Variants in CDC42EP2 observed in about 807,000 individuals in gnomAD.
The protein encoded by CDC42EP2 is CDC42 effector protein 2.
CDC42EP2 carries 5 observed loss-of-function variants against 7.3 expected under a neutral mutation model. The ratio of observed to expected loss-of-function variants is 0.68; its 90% CI spans 0.36 to 1.44. The LOEUF (loss-of-function observed/expected upper bound fraction) is 1.44. Among genes scored for constraint, CDC42EP2 ranks in the 40% most tolerant of loss-of-function variants. The pLI is 0.04. For synonymous variants in CDC42EP2, 113 were observed against 123.6 expected (o/e 0.91, Z 0.57); for missense variants, 251 against 282.6 (o/e 0.89, Z 0.80).
chr11:65,321,310 C>G lies in CDC42EP2; in HGVS notation c.412C>G (p.Pro138Ala). 6.2e-7 allele frequency: 1 copy of G among 1,613,996 alleles called. No homozygotes were observed. Among genetic ancestry groups the G allele is most frequent in the Non-Finnish European group, 8.5e-7 (1 of 1,180,016 alleles). Reference protein sequence around the residue: ...PKPPRLHLETPQPSPQEGGSV... With the variant: ...PKPPRLHLETAQPSPQEGGSV... ...GCCCCCTCGCCTGCACCTGGAGACC[C>G]CTCAGCCTTCCCCACAGGAGGGAGG... The change falls in exon 2 of 2, where the codon CCT becomes GCT. Residue 138 changes from proline (P) to alanine (A), a missense_variant. Pro to Ala is a conservative substitution (Grantham distance 27, BLOSUM62 -1). Coordinates refer to ENST00000279249, the MANE Select transcript of CDC42EP2 (RefSeq NM_006779.4). The surrounding 1 kb of genome is among the most constrained non-coding windows in gnomAD (Gnocchi z 4.4).
rs1293078928 is a variant in CDC42EP2 at position 65,321,103 on chromosome 11, A to G, written c.205A>G (p.Met69Val). Residue 69 changes from methionine to valine, a missense_variant, in exon 2 of 2, where the codon ATG (methionine) becomes GTG (valine). Met to Val is a conservative substitution (Grantham distance 21, BLOSUM62 1). Transcript: ENST00000279249. This position sits in a 1 kb window ranked among gnomAD's most constrained non-coding sequence, Gnocchi z 4.4. ...QGKFHLLPGT[M>V]VEGPEEDGTF... ...CAAGTTCCACCTCCTGCCGGGGACC[A>G]TGGTGGAGGGGCCTGAAGAAGATGG... is the stretch of plus-strand genomic sequence containing the variant. The G allele has an allele frequency of 1.2e-6, 2 of 1,614,120 alleles. No homozygotes were observed. The highest frequency in any genetic ancestry group is 1.7e-6 in the Non-Finnish European group (2 of 1,180,008).
intron 1 of CDC42EP2, among the ~76,000 whole-genome samples, chr11:65,317,666 G>GGAGT (rs768399847): frequency 1.3e-5 from 2 of 152,130 alleles, no homozygotes; most frequent in Non-Finnish European, 2.9e-5. Context: ...TCAAGCAGAG[G>GGAGT]GAGTGCTTGC....
In CDC42EP2 at chr11:65,315,393, G is replaced by A. The variant is rs934753159; in HGVS notation, c.-356+439G>A. Reference sequence around the variant, plus strand: ...TAGGAGTGGGGAGGGGTCGGCGCAGGAACCCGAGCCGGAGCTAAGGAGCCG... The same window carrying A: ...TAGGAGTGGGGAGGGGTCGGCGCAGAAACCCGAGCCGGAGCTAAGGAGCCG... On this transcript the variant is annotated intron_variant, in intron 1 of 1. Coordinates refer to ENST00000279249, the MANE Select transcript of CDC42EP2 (RefSeq NM_006779.4). The surrounding 1 kb of genome is among the most constrained non-coding windows in gnomAD (Gnocchi z 4.1). Among the ~76,000 whole-genome samples the A allele has an allele frequency of 1.3e-5, 2 of 152,338 alleles. No homozygotes were observed. Among genetic ancestry groups the A allele is most frequent in the African/African-American group, 4.8e-5 (2 of 41,588 alleles).
intron 1 of CDC42EP2, chr11:65,317,195 G>A (rs1480918554): frequency 1.3e-5 from 2 of 152,222 alleles, no homozygotes; most frequent in Non-Finnish European, 2.9e-5. Flanking sequence ...TCCGCCACGG[G>A]AGAGTCATTC....
intron 1 of CDC42EP2, among the ~76,000 whole-genome samples, chr11:65,318,516 C>T (rs373301707): frequency 7.3e-5 from 11 of 151,664 alleles, no homozygotes; most frequent in East Asian, 1.9e-4. Flanking sequence ...CTCTGCCTCC[C>T]GGGTTCACGC....
Position 65,315,673 on chromosome 11 carries a change from G to A in CDC42EP2, c.-356+719G>A, listed in dbSNP as rs1949944297. Reference sequence around the variant, plus strand: ...GGGGACCGCCTGCCTGGAGCCCGGGGGAGGGGCGCTGGAGACCCCGGTGCG... The same window carrying A: ...GGGGACCGCCTGCCTGGAGCCCGGGAGAGGGGCGCTGGAGACCCCGGTGCG... On this transcript the variant is annotated intron_variant, in intron 1 of 1. Coordinates refer to ENST00000279249, the MANE Select transcript of CDC42EP2 (RefSeq NM_006779.4). This position sits in a 1 kb window ranked among gnomAD's most constrained non-coding sequence, Gnocchi z 4.1. Among the ~76,000 whole-genome samples, 1 of 152,244 alleles carries A rather than the reference G, an allele frequency of 6.6e-6. No homozygotes were observed. Among genetic ancestry groups the A allele is most frequent in the African/African-American group, 2.4e-5 (1 of 41,470 alleles).
Position 65,322,203 on chromosome 11 carries a change from G to A in CDC42EP2, c.*672G>A, listed in dbSNP as rs1348045452. On this transcript the variant is annotated 3_prime_UTR_variant, in exon 2 of 2. Coordinates refer to ENST00000279249, the MANE Select transcript of CDC42EP2 (RefSeq NM_006779.4). ...GCCCCAGAGGGCTTTGTGGAGGACA[G>A]GCCTTGCCCTCAAGAACGTCGTACC... 2 of 167,052 alleles carry A rather than the reference G, an allele frequency of 1.2e-5. No individual in the cohort carries two copies. Among genetic ancestry groups the A allele is most frequent in the African/African-American group, 4.8e-5 (2 of 41,466 alleles). The allele number at this position is 167,052 out of a possible 1,614,324, so 10.3% of individuals were successfully genotyped here.
At position 65,321,267 on chromosome 11, in the gene CDC42EP2, A is replaced by G. The variant is rs4149838; in HGVS notation, c.369A>G (p.Thr123=). The G allele has an allele frequency of 8.9e-5, 143 of 1,613,736 alleles. 1 individual carries two copies. The African/African-American group carries it at 1.6e-3, about 19-fold the overall frequency. ...GACCCCAGGCTCTCACCCTGCCCAC[A>G]GCCCAGGCTCCACCCAAGCCCCCTC... The part of the protein sequence containing the change: ...IGGPQALTLP[T]AQAPPKPPRL... The change falls in exon 2 of 2, where the codon ACA becomes ACG. Residue 123 remains threonine (T), a synonymous_variant. Coordinates refer to ENST00000279249, the MANE Select transcript of CDC42EP2 (RefSeq NM_006779.4). The surrounding 1 kb of genome is among the most constrained non-coding windows in gnomAD (Gnocchi z 4.4).
chr11:65,318,458 C>T (rs1425930271), intron 1 of CDC42EP2, among the ~76,000 whole-genome samples: 12 of 146,274 alleles, frequency 8.2e-5, no homozygotes, highest in African/African-American at 2.8e-4. Flanking sequence ...GAGACACTCT[C>T]TGTCCCCCAG....
Position 65,320,729 on chromosome 11 carries a change from G to T in CDC42EP2, c.-170G>T. On this transcript the variant is annotated 5_prime_UTR_variant, in exon 2 of 2. Coordinates refer to ENST00000279249, the MANE Select transcript of CDC42EP2 (RefSeq NM_006779.4). ...ATCTCTAATCTTTTTTAATTCCTTGGGCCAACTTTGTTCGTGCCCCCACAC... is the reference window on the plus strand; with the variant it reads ...ATCTCTAATCTTTTTTAATTCCTTGTGCCAACTTTGTTCGTGCCCCCACAC... 1 of 621,188 alleles carries T rather than the reference G, an allele frequency of 1.6e-6. No individual in the cohort carries two copies. 38.5% of individuals were successfully genotyped at this position (621,188 alleles called of 1,614,324 possible).
At chr11:65,319,830 A>G (rs1369127091) in intron 1 of CDC42EP2, among the ~76,000 whole-genome samples, 1 of 152,166 alleles carries the variant, frequency 6.6e-6, no homozygotes, top group Non-Finnish European at 1.5e-5. Flanking sequence ...AGTCAAGGCC[A>G]TTTGTGAGGC....
chr11:65,321,688 T>C lies in CDC42EP2; in HGVS notation c.*157T>C. ...GAGCCGTGTTTCCCCTCTCCCTCCC[T>C]CTCCACGTGGGCAGGGCAGGCCCCA... On this transcript the variant is annotated 3_prime_UTR_variant, in exon 2 of 2. Transcript: ENST00000279249. The surrounding 1 kb of genome is among the most constrained non-coding windows in gnomAD (Gnocchi z 4.4). The C allele has an allele frequency of 1.4e-6, 1 of 692,450 alleles. No homozygotes were observed. Among genetic ancestry groups the C allele is most frequent in the Non-Finnish European group, 2.5e-6 (1 of 407,084 alleles). The allele number at this position is 692,450 out of a possible 1,614,324, so 42.9% of individuals were successfully genotyped here. A position where few individuals can be genotyped will look rare whatever the true frequency, so the allele number is the denominator to read the frequency against.
Position 65,321,525 on chromosome 11 carries a change from C to T in CDC42EP2, c.627C>T (p.Pro209=). ...MDQDLDSMQI[P]T is the part of the protein sequence containing the mutation. ...AGGACCTGGACAGCATGCAGATCCC[C>T]ACATAGGACACGAGGCTGCCTAGGC... The change falls in exon 2 of 2, where the codon CCC becomes CCT. Residue 209 remains proline, a synonymous_variant. Transcript: ENST00000279249. This position sits in a 1 kb window ranked among gnomAD's most constrained non-coding sequence, Gnocchi z 4.4. 3 of 1,600,144 alleles carry T rather than the reference C, an allele frequency of 1.9e-6. No homozygotes were observed. The highest frequency in any genetic ancestry group is 2.6e-6 in the Non-Finnish European group (3 of 1,170,284).
In CDC42EP2 at chr11:65,321,603, C is replaced by T. The variant is rs1043313513; in HGVS notation, c.*72C>T. 8 of 1,443,370 alleles carry T rather than the reference C, an allele frequency of 5.5e-6. No individual in the cohort carries two copies. The African/African-American group carries it at 5.7e-5, about 10-fold the overall frequency. 89.4% of individuals were successfully genotyped at this position (1,443,370 alleles called of 1,614,324 possible). ...AGGTGGGGTGTGGACCCGGCCCTGG[C>T]GGCGGAGTCAGGGTCCCAAGATCCC... On this transcript the variant is annotated 3_prime_UTR_variant, in exon 2 of 2. Coordinates refer to ENST00000279249, the MANE Select transcript of CDC42EP2 (RefSeq NM_006779.4). The surrounding 1 kb of genome is among the most constrained non-coding windows in gnomAD (Gnocchi z 4.4).
At position 65,320,915 on chromosome 11, in the gene CDC42EP2, C is replaced by G. The variant is rs545241921; in HGVS notation, c.17C>G (p.Pro6Arg). ...GAGGTCACCATGTCCACCAAGGTGC[C>G]CATCTATCTGAAGCGTGGCAGTCGC... MSTKV[P>R]IYLKRGSRKG... The change falls in exon 2 of 2, where the codon CCC (proline) becomes CGC (arginine). Residue 6 changes from proline (P) to arginine (R), a missense_variant. Coordinates refer to ENST00000279249, the MANE Select transcript of CDC42EP2 (RefSeq NM_006779.4). The G allele has an allele frequency of 2.5e-6, 4 of 1,603,130 alleles. No homozygotes were observed. In the South Asian group the frequency reaches 4.4e-5, roughly 18 times the overall value.
chr11:65,321,635 A>G lies in CDC42EP2; in HGVS notation c.*104A>G, dbSNP rs1949975992. Reference sequence around the variant, plus strand: ...GTCAGGGTCCCAAGATCCCACCTGTATGGTCGCTGGCCAGTGATTCTCCTT... The same window carrying G: ...GTCAGGGTCCCAAGATCCCACCTGTGTGGTCGCTGGCCAGTGATTCTCCTT... On this transcript the variant is annotated 3_prime_UTR_variant, in exon 2 of 2. Coordinates refer to ENST00000279249, the MANE Select transcript of CDC42EP2 (RefSeq NM_006779.4). The surrounding 1 kb of genome is among the most constrained non-coding windows in gnomAD (Gnocchi z 4.4). 1.9e-6 allele frequency: 2 copies of G among 1,066,530 alleles called. No individual in the cohort carries two copies. The highest frequency in any genetic ancestry group is 1.5e-5 in the South Asian group (1 of 65,392). 66.1% of individuals were successfully genotyped at this position (1,066,530 alleles called of 1,614,324 possible).
chr11:65,318,895 T>C (rs1949960916), intron 1 of CDC42EP2, among the ~76,000 whole-genome samples: 1 of 134,926 alleles, frequency 7.4e-6, no homozygotes, highest in Non-Finnish European at 1.6e-5. Flanking sequence ...TTTTTTTTTT[T>C]TTTTTTTTTT....
Position 65,315,969 on chromosome 11 carries a change from T to TA in CDC42EP2, c.-356+1019dup, listed in dbSNP as rs1949946196. On this transcript the variant is annotated intron_variant, in intron 1 of 1. Transcript: ENST00000279249. The surrounding 1 kb of genome is among the most constrained non-coding windows in gnomAD (Gnocchi z 4.1). The stretch of plus-strand genomic sequence containing the variant: ...TTGTAGATATTTGCTGAATGAATGA[T>TA]AAAACCTACAGTGACCCGCTGAACC... Among the ~76,000 whole-genome samples, 1 of 152,224 alleles carries TA rather than the reference T, an allele frequency of 6.6e-6. No homozygotes were observed. Among genetic ancestry groups the TA allele is most frequent in the Non-Finnish European group, 1.5e-5 (1 of 68,040 alleles).
At chr11:65,317,781 T>C (rs981195584) in intron 1 of CDC42EP2, among the ~76,000 whole-genome samples, 2 of 152,006 alleles carry the variant, frequency 1.3e-5, no homozygotes, top group East Asian at 3.8e-4. Flanking sequence ...AATATGTGCA[T>C]ATAAATAATA....
Sources: gnomAD v4.1 joint callset for allele counts (sites outside exome capture counted in the v4.1 genomes callset) on GRCh38, gnomAD v4.1.1 for gene constraint, Gnocchi (gnomAD v3.1) non-coding constraint, MANE v1.5 for transcripts, NCBI Gene and HGNC (gene_info 2026-07-23, HGNC 2026-07-21) for gene names.